ANTXR2: variants seen among roughly 807,000 people sequenced by gnomAD.
The protein encoded by ANTXR2 is ANTXR cell adhesion molecule 2, also known as anthrax toxin receptor 2.
In ANTXR2, 44 loss-of-function variants were observed where a neutral mutation model predicts 73.7. The observed-to-expected ratio is 0.60, with a 90% CI of 0.47 to 0.77. The LOEUF (loss-of-function observed/expected upper bound fraction) is 0.77, where lower values mean the gene tolerates loss of function less well. Among genes scored for constraint, ANTXR2 ranks in the 30% least tolerant of loss-of-function variants. The pLI, the probability that ANTXR2 is intolerant of heterozygous loss-of-function variation, is 0.00. For missense variants in ANTXR2, 604 were observed against 592.5 expected (o/e 1.02, Z -0.20); for synonymous variants, 217 against 205.9 (o/e 1.05, Z -0.46).
intron 16 of ANTXR2, among the ~76,000 whole-genome samples, chr4:79,943,947 AT>A (rs1728418540): frequency 6.8e-6 from 1 of 147,790 alleles, no homozygotes; most frequent in African/African-American, 2.5e-5. Flanking sequence ...ATTATTGACC[AT>A]TTAGATGAAG....
chr4:80,062,902 T>C (rs1016152980), intron 3 of ANTXR2, among the ~76,000 whole-genome samples: 1 of 152,068 alleles, frequency 6.6e-6, no homozygotes, highest in Non-Finnish European at 1.5e-5. Flanking sequence ...TACATCATGA[T>C]GAAAATAAGG....
chr4:79,966,803 T>C (rs1395586713), intron 16 of ANTXR2, among the ~76,000 whole-genome samples: 2 of 152,212 alleles, frequency 1.3e-5, no homozygotes, highest in East Asian at 3.8e-4. Context: ...CTGAAATATT[T>C]ACCATGATTA....
At chr4:80,024,644 C>T (rs1414791008) in intron 10 of ANTXR2, 2 of 434,418 alleles carry the variant, frequency 4.6e-6, no homozygotes, top group African/African-American at 2.0e-5. Context: ...TGCCTGTAGC[C>T]CCAGCTACTC....
chr4:80,010,492 A>G (rs1158319832), intron 11 of ANTXR2, among the ~76,000 whole-genome samples: 1 of 152,200 alleles, frequency 6.6e-6, no homozygotes, highest in African/African-American at 2.4e-5. Flanking sequence ...GAAATGGCAC[A>G]CCATTTGGCT....
intron 7 of ANTXR2, among the ~76,000 whole-genome samples, chr4:80,036,821 A>T (rs1157593679): frequency 1.3e-5 from 2 of 152,096 alleles, no homozygotes; most frequent in East Asian, 3.9e-4. Context: ...AAAATTAAAA[A>T]GCACTTCTCT....
intron 16 of ANTXR2, among the ~76,000 whole-genome samples, chr4:79,913,302 T>G (rs1370986400): frequency 2.0e-5 from 3 of 152,174 alleles, no homozygotes; most frequent in Non-Finnish European, 4.4e-5. Context: ...ATTAATAAAT[T>G]TTATAATCCA....
Position 80,069,527 on chromosome 4 carries a change from G to T in ANTXR2, c.225-20C>A, listed in dbSNP as rs1456374324. The stretch of plus-strand genomic sequence containing the variant: ...TCAGGGCTGCAAAATAAGAAAAGAG[G>T]CAGTTAAAACATTTTTAAAAAGAAA... On this transcript the variant is annotated intron_variant, in intron 2 of 16. Coordinates refer to ENST00000403729, the MANE Select transcript of ANTXR2 (RefSeq NM_058172.6). The T allele has an allele frequency of 4.5e-6, 7 of 1,548,010 alleles. No homozygotes were observed. The highest frequency in any genetic ancestry group is 6.2e-6 in the Non-Finnish European group (7 of 1,131,722).
intron 7 of ANTXR2, among the ~76,000 whole-genome samples, chr4:80,048,245 C>G (rs1733613618): frequency 6.8e-6 from 1 of 147,664 alleles, no homozygotes; most frequent in African/African-American, 2.5e-5. Flanking sequence ...ACTACTTACC[C>G]AACACTAGAT....
At position 80,069,093 on chromosome 4, in the gene ANTXR2, T is replaced by C. The variant is rs75599307; in HGVS notation, c.296+343A>G. On this transcript the variant is annotated intron_variant, in intron 3 of 16. Transcript: ENST00000403729. ...TCCATATCTTTCTCCCCCTCAATGT[T>C]CTTCAAATTCCTGGTTGATTAATAT... Among the ~76,000 whole-genome samples the C allele has an allele frequency of 5.9e-5, 9 of 152,266 alleles. No individual in the cohort carries two copies. In the East Asian group the frequency reaches 1.7e-3, roughly 29 times the overall value.
intron 16 of ANTXR2, among the ~76,000 whole-genome samples, chr4:79,927,045 A>ATG (rs1420991139): frequency 4.2e-5 from 4 of 95,640 alleles, no homozygotes; most frequent in Admixed American, 2.6e-4. Flanking sequence ...GTGTATATAT[A>ATG]TGTGCGTGTG....
intron 11 of ANTXR2, among the ~76,000 whole-genome samples, chr4:80,010,433 A>T (rs965166746): frequency 6.6e-6 from 1 of 152,178 alleles, no homozygotes; most frequent in Non-Finnish European, 1.5e-5. Flanking sequence ...GAAGGAATAC[A>T]TTTCTCACCA....
At chr4:80,025,025 C>T (rs1163376494) in intron 10 of ANTXR2, among the ~76,000 whole-genome samples, 2 of 152,134 alleles carry the variant, frequency 1.3e-5, no homozygotes, top group Admixed American at 1.3e-4. Flanking sequence ...TTAATCCATG[C>T]TTTGCTCCAT....
chr4:80,012,267 C>A (rs1319398134), intron 11 of ANTXR2, among the ~76,000 whole-genome samples: 1 of 151,626 alleles, frequency 6.6e-6, no homozygotes, highest in East Asian at 1.9e-4. Context: ...TATTTGATAT[C>A]AGGAATTAGG....
chr4:80,006,434 A>G (rs1051173561), intron 12 of ANTXR2, among the ~76,000 whole-genome samples: 7 of 152,092 alleles, frequency 4.6e-5, no homozygotes, highest in African/African-American at 1.7e-4. Flanking sequence ...GTATAAATAT[A>G]AGTTCATACT....
chr4:79,984,935 T>A, intron 12 of ANTXR2, 72 bp from the exon 13 acceptor site: 1 of 1,237,514 alleles, frequency 8.1e-7, no homozygotes, highest in Non-Finnish European at 1.1e-6. Flanking sequence ...TAAAAATAAT[T>A]TGATACATAA....
rs757371352 is a variant in ANTXR2, at chr4:80,008,577, G to A, written c.985C>T (p.Leu329=). 1.2e-6 allele frequency: 2 copies of A among 1,606,454 alleles called. No individual in the cohort carries two copies. Among genetic ancestry groups the A allele is most frequent in the South Asian group, 1.1e-5 (1 of 89,154 alleles). Reference sequence around the variant, plus strand: ...ATCAAACCGATCCCCAGGAGTAGCAGTAACACCAAAATAACAATGATGGCT... The same window carrying A: ...ATCAAACCGATCCCCAGGAGTAGCAATAACACCAAAATAACAATGATGGCT... The part of the protein sequence containing the change: ...IAAIIVILVL[L]LLLGIGLMWW... Residue 329 remains leucine (L), a synonymous_variant, in exon 12 of 17, where the codon CTG becomes TTG. Transcript: ENST00000403729.
chr4:80,067,062 C>A (rs1024703813), intron 3 of ANTXR2, among the ~76,000 whole-genome samples: 1 of 152,124 alleles, frequency 6.6e-6, no homozygotes, highest in Non-Finnish European at 1.5e-5. Flanking sequence ...AAAAATTAGC[C>A]GGGCGTGGTG....
In ANTXR2 at chr4:79,907,299, T is replaced by C. The variant is rs1444860170; in HGVS notation, c.*130A>G. ...CAAAGCAGAAGGCAGAGAAAACATT[T>C]CCCGACTGAGAGGAATTAAGCTGCT... On this transcript the variant is annotated 3_prime_UTR_variant, in exon 17 of 17. Coordinates refer to ENST00000403729, the MANE Select transcript of ANTXR2 (RefSeq NM_058172.6). The C allele has an allele frequency of 1.7e-5, 17 of 990,564 alleles. 1 individual carries two copies. The highest frequency in any genetic ancestry group is 2.6e-5 in the Non-Finnish European group (17 of 642,792). 61.4% of individuals were successfully genotyped at this position (990,564 alleles called of 1,614,324 possible).
chr4:80,032,313 C>T (rs1239650596), intron 9 of ANTXR2, among the ~76,000 whole-genome samples: 1 of 151,744 alleles, frequency 6.6e-6, no homozygotes, highest in African/African-American at 2.4e-5. Context: ...TGTAGCTAAA[C>T]ATGAAATACG....
Sources: allele counts gnomAD v4.1 joint callset (sites outside exome capture counted in the v4.1 genomes callset), GRCh38; gene constraint gnomAD v4.1.1; transcripts MANE v1.5; gene names NCBI Gene and HGNC (gene_info 2026-07-23, HGNC 2026-07-21).